The following ARFGEF1 variants were observed in gnomAD, a reference collection of about 807,000 sequenced individuals.
ARFGEF1 encodes the protein brefeldin A-inhibited guanine nucleotide-exchange protein 1.
Under a neutral mutation model 231.0 loss-of-function variants are expected in ARFGEF1, and 42 were observed. The observed-to-expected ratio is 0.18, with a 90% CI of 0.14 to 0.24. ARFGEF1 has a LOEUF of 0.24. ARFGEF1 is among the 10% of genes least tolerant of loss of function. ARFGEF1 has a pLI of 1.00. For missense variants in ARFGEF1, 1,345 were observed against 2,192.0 expected (o/e 0.61, Z 7.72); for synonymous variants, 710 against 732.3 (o/e 0.97, Z 0.49).
At chr8:67,178,318 T>A (rs975938832) in intron 5 of ARFGEF1, among the ~76,000 whole-genome samples, 5 of 152,084 alleles carry the variant, frequency 3.3e-5, no homozygotes, top group African/African-American at 7.2e-5. Flanking sequence ...CCCACCTGTA[T>A]CCTGAGGGGG....
At chr8:67,208,997 T>A (rs1432176315) in intron 34 of ARFGEF1, among the ~76,000 whole-genome samples, 1 of 152,204 alleles carries the variant, frequency 6.6e-6, no homozygotes, top group Non-Finnish European at 1.5e-5. Context: ...GAATGTAAAA[T>A]GGTGCAGCCA....
At chr8:67,289,083 A>G (rs1446571192) in intron 6 of ARFGEF1, among the ~76,000 whole-genome samples, 1 of 152,190 alleles carries the variant, frequency 6.6e-6, no homozygotes, top group Non-Finnish European at 1.5e-5. Flanking sequence ...AAAAATAGGA[A>G]TTCCACTGGG....
intron 4 of ARFGEF1, among the ~76,000 whole-genome samples, chr8:67,298,374 T>C (rs78399230): frequency 0.016 from 2,463 of 152,220 alleles, 70 homozygotes; most frequent in African/African-American, 0.057. Context: ...AGGAATTCAA[T>C]CAAACAAGTA....
intron 9 of ARFGEF1, among the ~76,000 whole-genome samples, chr8:67,273,014 G>A (rs951354660): frequency 6.6e-6 from 1 of 152,002 alleles, no homozygotes; most frequent in Non-Finnish European, 1.5e-5. Flanking sequence ...GGCTGAGGCA[G>A]GAGAATCACT....
intron 14 of ARFGEF1, among the ~76,000 whole-genome samples, chr8:67,263,940 G>T (rs1183329835): frequency 6.6e-6 from 1 of 152,026 alleles, no homozygotes; most frequent in Non-Finnish European, 1.5e-5. Flanking sequence ...GAAAAAACAT[G>T]CAAGAGAGGA....
chr8:67,274,324 A>C (rs964526719), intron 9 of ARFGEF1, among the ~76,000 whole-genome samples: 3 of 115,354 alleles, frequency 2.6e-5, no homozygotes, highest in Non-Finnish European at 5.0e-5. Context: ...GACTTTTGGC[A>C]AAAAAAAAAA....
intron 7 of ARFGEF1, among the ~76,000 whole-genome samples, chr8:67,284,474 G>A (rs922363268): frequency 6.6e-5 from 10 of 152,068 alleles, no homozygotes; most frequent in East Asian, 3.9e-4. Flanking sequence ...TTAAAAAAAC[G>A]AACCAATAAA....
intron 20 of ARFGEF1, 139 bp from the exon 21 acceptor site, chr8:67,239,032 A>T: frequency 1.2e-5 from 8 of 669,558 alleles, no homozygotes; most frequent in Non-Finnish European, 1.8e-5. Flanking sequence ...TTTGAGACAG[A>T]GTCTCACCCT....
At chr8:67,211,689 A>C in intron 33 of ARFGEF1, 74 bp from the exon 34 acceptor site, 1 of 884,944 alleles carries the variant, frequency 1.1e-6, no homozygotes, top group South Asian at 3.2e-5. Context: ...CTAAAACGCT[A>C]TTTTAAAAAA....
At chr8:67,214,109 T>C (rs1838843062) in intron 33 of ARFGEF1, among the ~76,000 whole-genome samples, 3 of 152,324 alleles carry the variant, frequency 2.0e-5, no homozygotes, top group South Asian at 2.1e-4. Context: ...ATGTCAAATG[T>C]AGTTCTGGTG....
chr8:67,217,858 C>T lies in ARFGEF1; in HGVS notation c.4537G>A (p.Glu1513Lys), dbSNP rs1478731972. 1 of 1,613,938 alleles carries T rather than the reference C, an allele frequency of 6.2e-7. No homozygotes were observed. The highest frequency in any genetic ancestry group is 8.5e-7 in the Non-Finnish European group (1 of 1,179,976). Residue 1513 changes from glutamate to lysine, a missense_variant, in exon 32 of 39, where the codon GAA becomes AAA. Around this residue, in one of 14 missense-constraint regions of ARFGEF1, gnomAD observed 54 missense variants for 86.5 expected, o/e 0.62. Coordinates refer to ENST00000262215, the MANE Select transcript of ARFGEF1 (RefSeq NM_006421.5). ...CLENVVILNG[E>K]KFTLEIWDKT... ...TCCCAGATTTCTAGGGTAAATTTTT[C>T]ACCATTCAGAATAACAACATTCTCT...
intron 1 of ARFGEF1, among the ~76,000 whole-genome samples, chr8:67,339,371 T>C (rs1358424375): frequency 6.6e-6 from 1 of 152,140 alleles, no homozygotes; most frequent in African/African-American, 2.4e-5. Flanking sequence ...TTGAACTCTT[T>C]CATCCTAACA....
chr8:67,238,100 TAA>T (rs962261085), intron 22 of ARFGEF1, among the ~76,000 whole-genome samples: 3 of 152,168 alleles, frequency 2.0e-5, no homozygotes, highest in Non-Finnish European at 4.4e-5. Flanking sequence ...GCAAGTAATT[TAA>T]AAACTCTACA....
At chr8:67,325,327 A>T (rs1230909030) in intron 1 of ARFGEF1, among the ~76,000 whole-genome samples, 3 of 152,040 alleles carry the variant, frequency 2.0e-5, no homozygotes, top group Non-Finnish European at 2.9e-5. Context: ...AATAATACAC[A>T]TTATTCCTAA....
downstream of ARFGEF1, chr8:67,197,647 G>C (rs1317835818): frequency 4.1e-6 from 4 of 985,516 alleles, no homozygotes; most frequent in Non-Finnish European, 4.8e-6. Flanking sequence ...CATGGGGGTG[G>C]GTTATACAGG....
At chr8:67,216,497 G>C in intron 33 of ARFGEF1, 93 bp downstream of exon 33, 1 of 1,141,822 alleles carries the variant, frequency 8.8e-7, no homozygotes, top group Non-Finnish European at 1.2e-6. Context: ...TAGCAGGAAT[G>C]GATTAAGACA....
chr8:67,302,769 C>T (rs563184248), intron 1 of ARFGEF1, among the ~76,000 whole-genome samples: 50 of 151,938 alleles, frequency 3.3e-4, no homozygotes, highest in Middle Eastern at 3.4e-3. Flanking sequence ...TTACATTAAG[C>T]AGAAGCATTA....
chr8:67,329,537 T>TAAAA (rs1488183793), intron 1 of ARFGEF1, among the ~76,000 whole-genome samples: 2 of 141,376 alleles, frequency 1.4e-5, no homozygotes, highest in Non-Finnish European at 3.1e-5. Flanking sequence ...TCAAAATAAA[T>TAAAA]AAATAAATAA....
Position 67,199,039 on chromosome 8 carries a change from C to A in ARFGEF1, c.5445G>T (p.Leu1815Phe). The change falls in exon 39 of 39, where the codon TTG becomes TTT. Residue 1815 changes from leucine (L) to phenylalanine (F), a missense_variant. Coordinates refer to ENST00000262215, the MANE Select transcript of ARFGEF1 (RefSeq NM_006421.5). Reference sequence around the variant, plus strand: ...TAAGAACAGCACGAAGTTCAGGAATCAAGTCAAATTGCATAATTTCACATA... The same window carrying A: ...TAAGAACAGCACGAAGTTCAGGAATAAAGTCAAATTGCATAATTTCACATA... ...PLLCEIMQFD[L>F]IPELRAVLRR... The A allele has an allele frequency of 6.2e-7, 1 of 1,610,902 alleles. No individual in the cohort carries two copies. Among genetic ancestry groups the A allele is most frequent in the South Asian group, 1.1e-5 (1 of 89,988 alleles).
Sources: gnomAD v4.1 joint callset for allele counts (sites outside exome capture counted in the v4.1 genomes callset) on GRCh38, gnomAD v4.1.1 for gene constraint, gnomAD v4.1.1 regional missense constraint, MANE v1.5 for transcripts, NCBI Gene and HGNC (gene_info 2026-07-23, HGNC 2026-07-21) for gene names.